Variants in TIGIT observed in about 807,000 individuals in gnomAD.
TIGIT encodes T-cell immunoreceptor with Ig and ITIM domains.
Under a neutral mutation model 19.6 loss-of-function variants are expected in TIGIT, and 11 were observed. That is an observed-to-expected ratio of 0.56 (90% CI 0.35 to 0.93). The LOEUF is 0.93. Ranked by LOEUF, TIGIT falls within the 40% of genes least tolerant of loss-of-function variation. TIGIT has a pLI of 0.01. For missense variants in TIGIT, 295 were observed against 303.9 expected, an observed-to-expected ratio of 0.97 and a Z score of 0.22; for synonymous variants, 130 against 125.5, an observed-to-expected ratio of 1.04 and a Z score of -0.24.
At chr3:114,294,493 CATT>C (rs2078440884) in intron 1 of TIGIT, among the ~76,000 whole-genome samples, 1 of 152,134 alleles carries the variant, frequency 6.6e-6, no homozygotes. Flanking sequence ...TCCAGGAAAA[CATT>C]ATAAGTTCTC....
chr3:114,304,099 G>A (rs1483542393), intron 3 of TIGIT, among the ~76,000 whole-genome samples: 1 of 151,388 alleles, frequency 6.6e-6, no homozygotes, highest in Non-Finnish European at 1.5e-5. Context: ...CTTTTTGATG[G>A]GATTTTTTTT....
chr3:114,297,009 G>T (rs1377092403), intron 2 of TIGIT, among the ~76,000 whole-genome samples: 1 of 149,712 alleles, frequency 6.7e-6, no homozygotes, highest in Non-Finnish European at 1.5e-5. Flanking sequence ...ATTCTCTCCT[G>T]CCTCAGCCTC....
intron 2 of TIGIT, among the ~76,000 whole-genome samples, chr3:114,297,370 G>A (rs185478639): frequency 5.3e-5 from 8 of 152,312 alleles, no homozygotes; most frequent in African/African-American, 1.9e-4. Context: ...TGCTAGATAG[G>A]TAATAAGCTT....
At chr3:114,305,814 A>T (rs1016684688) in intron 3 of TIGIT, among the ~76,000 whole-genome samples, 9 of 151,172 alleles carry the variant, frequency 6.0e-5, no homozygotes, top group African/African-American at 1.9e-4. Context: ...GGATGGATGG[A>T]TGGATGGATG....
In TIGIT at chr3:114,300,858, G is replaced by C. The variant is rs553774953; in HGVS notation, c.498+1155G>C. On this transcript the variant is annotated intron_variant, in intron 3 of 3. Coordinates refer to ENST00000383671, the MANE Select transcript of TIGIT (RefSeq NM_173799.4). ...TGGCATTAATCCCTTCATGAGGGCA[G>C]ATCTTCATGGCCTAATCACCTCTTA... Among the ~76,000 whole-genome samples the C allele has an allele frequency of 3.3e-5, 5 of 152,204 alleles. No individual in the cohort carries two copies. In the South Asian group the frequency reaches 1.0e-3, roughly 32 times the overall value.
intron 3 of TIGIT, among the ~76,000 whole-genome samples, chr3:114,300,853 G>C (rs947027705): frequency 1.2e-4 from 18 of 152,048 alleles, no homozygotes; most frequent in African/African-American, 4.3e-4. Context: ...CCCTTCATGA[G>C]GGCAGATCTT....
intron 2 of TIGIT, among the ~76,000 whole-genome samples, chr3:114,296,958 A>C (rs1275065359): frequency 1.3e-5 from 2 of 148,194 alleles, no homozygotes; most frequent in Non-Finnish European, 3.0e-5. Context: ...GCAATGGCGC[A>C]ATCTCAGCTC....
At chr3:114,299,901 C>T (rs989992706) in intron 3 of TIGIT, among the ~76,000 whole-genome samples, 198 bp downstream of exon 3, 1 of 152,042 alleles carries the variant, frequency 6.6e-6, no homozygotes, top group Non-Finnish European at 1.5e-5. Context: ...AGGGAGGGAC[C>T]CCCTGGACAG....
At chr3:114,303,251 C>A (rs1490085504) in intron 3 of TIGIT, among the ~76,000 whole-genome samples, 1 of 151,754 alleles carries the variant, frequency 6.6e-6, no homozygotes, top group Non-Finnish European at 1.5e-5. Flanking sequence ...GTGTGTAGTC[C>A]TTTATCCCTC....
At chr3:114,305,450 T>C (rs2078526445) in intron 3 of TIGIT, among the ~76,000 whole-genome samples, 1 of 152,106 alleles carries the variant, frequency 6.6e-6, no homozygotes, top group South Asian at 2.1e-4. Context: ...TGAAAAGTAG[T>C]GAAGGAAGCA....
At chr3:114,301,754 C>G (rs1419165632) in intron 3 of TIGIT, among the ~76,000 whole-genome samples, 1 of 152,210 alleles carries the variant, frequency 6.6e-6, no homozygotes, top group Admixed American at 6.5e-5. Context: ...GATTCCCCAG[C>G]CCTCTCTGAC....
rs2078563471 is a variant in TIGIT at position 114,310,263 on chromosome 3, T to C, written c.*2132T>C. ...CAAAAATGATAATATTTTGGATGTATTGGGTGAAATAAAATATTAACATTA... is the reference window on the plus strand; with the variant it reads ...CAAAAATGATAATATTTTGGATGTACTGGGTGAAATAAAATATTAACATTA... On this transcript the variant is annotated 3_prime_UTR_variant, in exon 4 of 4. Coordinates refer to ENST00000383671, the MANE Select transcript of TIGIT (RefSeq NM_173799.4). 1 of 152,216 alleles carries C rather than the reference T, an allele frequency of 6.6e-6. No homozygotes were observed. Among genetic ancestry groups the C allele is most frequent in the Non-Finnish European group, 1.5e-5 (1 of 68,044 alleles). The allele number at this position is 152,216 out of a possible 1,614,324, so 9.4% of individuals were successfully genotyped here. A position where few individuals can be genotyped will look rare whatever the true frequency, so the allele number is the denominator to read the frequency against.
Position 114,307,974 on chromosome 3 carries a change from C to T in TIGIT, c.578C>T (p.Ala193Val), listed in dbSNP as rs1337670342. The T allele has an allele frequency of 6.2e-7, 1 of 1,614,002 alleles. No homozygotes were observed. Among genetic ancestry groups the T allele is most frequent in the African/African-American group, 1.3e-5 (1 of 74,930 alleles). The part of the protein sequence containing the change: ...SAGQEEWSPS[A>V]PSPPGSCVQA... ...GGACAGGAGGAATGGAGCCCCAGTG[C>T]TCCCTCACCCCCAGGAAGCTGTGTC... Residue 193 changes from alanine (A) to valine (V), a missense_variant, in exon 4 of 4, where the codon GCT becomes GTT. Ala to Val is a moderately conservative substitution (Grantham distance 64). Coordinates refer to ENST00000383671, the MANE Select transcript of TIGIT (RefSeq NM_173799.4).
Position 114,308,128 on chromosome 3 carries a change from T to G in TIGIT, c.732T>G (p.Gly244=), listed in dbSNP as rs776434779. Residue 244 remains glycine (G), a synonymous_variant, in exon 4 of 4, where the codon GGT becomes GGG. Transcript: ENST00000383671. ...LGNCSFFTET[G] ...ACTGCAGCTTCTTCACAGAGACTGGTTAGCAACCAGAGGCATCTTCTGGAA... is the reference window on the plus strand; with the variant it reads ...ACTGCAGCTTCTTCACAGAGACTGGGTAGCAACCAGAGGCATCTTCTGGAA... 6.2e-7 allele frequency: 1 copy of G among 1,613,744 alleles called. No individual in the cohort carries two copies. Among genetic ancestry groups the G allele is most frequent in the Non-Finnish European group, 8.5e-7 (1 of 1,179,772 alleles).
rs1296169301 is a variant in TIGIT at position 114,308,528 on chromosome 3, T to TTTTTTCACGTCA, written c.*402_*413dup. ...TGACTGCAGAGCCATCCTCATCTCATTTTTTCACGTCATTTTCAGTAACTT... is the reference window on the plus strand; with the variant it reads ...TGACTGCAGAGCCATCCTCATCTCATTTTTTCACGTCATTTTTCACGTCATTTTCAGTAACTT... On this transcript the variant is annotated 3_prime_UTR_variant, in exon 4 of 4. Transcript: ENST00000383671. 1.3e-5 allele frequency: 2 copies of TTTTTTCACGTCA among 156,992 alleles called. No homozygotes were observed. The highest frequency in any genetic ancestry group is 1.3e-4 in the Admixed American group (2 of 15,694). 9.7% of individuals were successfully genotyped at this position (156,992 alleles called of 1,614,324 possible). A position where few individuals can be genotyped will look rare whatever the true frequency, so the allele number is the denominator to read the frequency against.
chr3:114,294,877 A>C (rs1163824347), intron 1 of TIGIT: 4 of 152,514 alleles, frequency 2.6e-5, no homozygotes, highest in Non-Finnish European at 5.9e-5. Context: ...TAATGCATCC[A>C]GCATAGAACT....
Position 114,307,996 on chromosome 3 carries a change from T to TGTCCAGGCAGAAGCTGC in TIGIT, c.601_617dup (p.Pro207SerfsTer29), listed in dbSNP as rs543407466. On this transcript the variant is annotated frameshift_variant, in exon 4 of 4. Transcript: ENST00000383671. LOFTEE classifies it low-confidence loss of function (END_TRUNC). ...GTGCTCCCTCACCCCCAGGAAGCTG[T>TGTCCAGGCAGAAGCTGC]GTCCAGGCAGAAGCTGCACCTGCTG... is the stretch of plus-strand genomic sequence containing the variant. The TGTCCAGGCAGAAGCTGC allele has an allele frequency of 2.5e-6, 4 of 1,614,108 alleles. No individual in the cohort carries two copies. The African/African-American group carries it at 5.3e-5, about 22-fold the overall frequency.
At chr3:114,307,266 T>C (rs947216632) in intron 3 of TIGIT, among the ~76,000 whole-genome samples, 1 of 152,106 alleles carries the variant, frequency 6.6e-6, no homozygotes, top group Non-Finnish European at 1.5e-5. Flanking sequence ...AGTGGACAGG[T>C]GGACACCTGC....
intron 1 of TIGIT, among the ~76,000 whole-genome samples, chr3:114,294,413 A>G (rs2078440541): frequency 6.6e-6 from 1 of 152,158 alleles, no homozygotes; most frequent in African/African-American, 2.4e-5. Flanking sequence ...GCTGGGCAGG[A>G]GGCATTGCCA....
Sources: gnomAD v4.1 joint callset for allele counts (sites outside exome capture counted in the v4.1 genomes callset) on GRCh38, gnomAD v4.1.1 for gene constraint, MANE v1.5 for transcripts, NCBI Gene and HGNC (gene_info 2026-07-23, HGNC 2026-07-21) for gene names.